The following E2F5 variants were observed in gnomAD, a reference collection of about 807,000 sequenced individuals.
The protein encoded by E2F5 is E2F transcription factor 5.
E2F5 carries 23 observed loss-of-function variants against 39.1 expected under a neutral mutation model. The observed-to-expected ratio is 0.59, with a 90% confidence interval of 0.42 to 0.83. The LOEUF is 0.83. Among genes scored for constraint, E2F5 ranks in the 40% least tolerant of loss-of-function variants. The pLI is 0.00. For synonymous variants in E2F5, 145 were observed against 157.8 expected (o/e 0.92, Z 0.61); for missense variants, 365 against 406.7 (o/e 0.90, Z 0.88).
chr8:85,207,926 A>G (rs1264360531), intron 5 of E2F5, among the ~76,000 whole-genome samples: 1 of 152,224 alleles, frequency 6.6e-6, no homozygotes, highest in Non-Finnish European at 1.5e-5. Context: ...CAAATGATTT[A>G]AAATGATTTA....
intron 1 of E2F5, among the ~76,000 whole-genome samples, chr8:85,190,501 T>A (rs1216137033): frequency 2.3e-5 from 3 of 130,220 alleles, no homozygotes; most frequent in Non-Finnish European, 3.3e-5. Context: ...TTTTTCCTTT[T>A]TTTTTTTTTT....
chr8:85,180,113 C>T (rs1444097046), intron 1 of E2F5, among the ~76,000 whole-genome samples: 3 of 152,002 alleles, frequency 2.0e-5, no homozygotes, highest in East Asian at 1.9e-4. Context: ...CTCCACCTCC[C>T]GGGTTCAAGC....
In E2F5 at chr8:85,177,652, G is replaced by T. The variant is rs764834287; in HGVS notation, c.232G>T (p.Ala78Ser). The T allele has an allele frequency of 7.8e-7, 1 of 1,289,660 alleles. No individual in the cohort carries two copies. The highest frequency in any genetic ancestry group is 9.9e-7 in the Non-Finnish European group (1 of 1,015,028). The allele number at this position is 1,289,660 out of a possible 1,614,324, so 79.9% of individuals were successfully genotyped here. Residue 78 changes from alanine to serine, a missense_variant and splice_region_variant, in exon 1 of 8, where the codon GCG (alanine) becomes TCG (serine). Transcript: ENST00000416274. ...EAKDGVLDLK[A>S]AADTLAVRQK... is the part of the protein sequence containing the mutation. Reference sequence around the variant, plus strand: ...CAAGGACGGCGTTCTGGATCTCAAAGCGGTGAGCTCCGGAGGCGGGGACGG... The same window carrying T: ...CAAGGACGGCGTTCTGGATCTCAAATCGGTGAGCTCCGGAGGCGGGGACGG...
intron 1 of E2F5, among the ~76,000 whole-genome samples, chr8:85,196,710 T>C (rs1425413309): frequency 6.6e-6 from 1 of 152,222 alleles, no homozygotes; most frequent in African/African-American, 2.4e-5. Context: ...TGGATCTGTT[T>C]CCAGTATAAC....
chr8:85,207,092 A>G (rs1232914409), intron 4 of E2F5, among the ~76,000 whole-genome samples: 1 of 152,196 alleles, frequency 6.6e-6, no homozygotes, highest in Non-Finnish European at 1.5e-5. Flanking sequence ...CCTCAGTCCA[A>G]TGAACAGTGT....
chr8:85,191,216 A>G (rs973821098), intron 1 of E2F5, among the ~76,000 whole-genome samples: 2 of 152,330 alleles, frequency 1.3e-5, no homozygotes, highest in East Asian at 1.9e-4. Flanking sequence ...AGAAAGACAC[A>G]TGATCTCATA....
At position 85,214,265 on chromosome 8, in the gene E2F5, C is replaced by G. The variant is rs977570772; in HGVS notation, c.*403C>G. 1 of 562,676 alleles carries G rather than the reference C, an allele frequency of 1.8e-6. No individual in the cohort carries two copies. 34.9% of individuals were successfully genotyped at this position (562,676 alleles called of 1,614,324 possible). A position where few individuals can be genotyped will look rare whatever the true frequency, so the allele number is the denominator to read the frequency against. On this transcript the variant is annotated 3_prime_UTR_variant, in exon 8 of 8. Coordinates refer to ENST00000416274, the MANE Select transcript of E2F5 (RefSeq NM_001951.4). The stretch of plus-strand genomic sequence containing the variant: ...CTAAACTGCCTGTATTTCTGTATGT[C>G]CTTCTATCCAAACAGACGTTCACTG...
intron 1 of E2F5, among the ~76,000 whole-genome samples, chr8:85,195,431 C>A (rs1228980551): frequency 6.6e-6 from 1 of 152,070 alleles, no homozygotes; most frequent in African/African-American, 2.4e-5. Flanking sequence ...ATAGCAGATT[C>A]ACACTTAATC....
At chr8:85,192,420 A>G (rs1331637363) in intron 1 of E2F5, among the ~76,000 whole-genome samples, 1 of 152,194 alleles carries the variant, frequency 6.6e-6, no homozygotes, top group Non-Finnish European at 1.5e-5. Flanking sequence ...ATGTAAGGAA[A>G]ATGGTTTTTA....
rs201093043 is a variant in E2F5, at chr8:85,211,634, TTTG to T, written c.884-514_884-512del. ...CAGTTTTGGTAGAATGATGATGAGG[TTTG>T]TTGTTGTTTTTTTTTTTTTTTTTTT... On this transcript the variant is annotated intron_variant, in intron 6 of 7. Transcript: ENST00000416274. Among the ~76,000 whole-genome samples, 12 of 144,408 alleles carry T rather than the reference TTTG, an allele frequency of 8.3e-5. 1 individual carries two copies. Among genetic ancestry groups the T allele is most frequent in the African/African-American group, 2.2e-4 (8 of 36,790 alleles). The allele number at this position is 144,408 out of a possible 152,430, so 94.7% of individuals were successfully genotyped here.
intron 1 of E2F5, chr8:85,201,927 T>G: frequency 1.9e-6 from 1 of 537,182 alleles, no homozygotes; most frequent in East Asian, 3.3e-5. Flanking sequence ...GACCTTAATT[T>G]CTTTTTCTGT....
At chr8:85,200,525 T>C (rs1028576493) in intron 1 of E2F5, among the ~76,000 whole-genome samples, 2 of 152,208 alleles carry the variant, frequency 1.3e-5, no homozygotes, top group Non-Finnish European at 2.9e-5. Context: ...GTGGTCTGGT[T>C]CATACAAACA....
intron 1 of E2F5, among the ~76,000 whole-genome samples, chr8:85,182,549 C>T (rs1034642450): frequency 3.9e-5 from 6 of 152,098 alleles, no homozygotes; most frequent in Non-Finnish European, 8.8e-5. Flanking sequence ...CTCCTCTGCC[C>T]AAGGTGGAAA....
In E2F5 at chr8:85,177,280, G is replaced by C. The variant is rs1036968169; in HGVS notation, c.-141G>C. ...CTCCCGTGGGCGCCGCACACCTGTT[G>C]TTTGCAGCAGCCAGCGACCCGCACT... On this transcript the variant is annotated 5_prime_UTR_variant, in exon 1 of 8. Coordinates refer to ENST00000416274, the MANE Select transcript of E2F5 (RefSeq NM_001951.4). 2.8e-6 allele frequency: 2 copies of C among 713,732 alleles called. No homozygotes were observed. Among genetic ancestry groups the C allele is most frequent in the Non-Finnish European group, 3.4e-6 (2 of 581,722 alleles). The allele number at this position is 713,732 out of a possible 1,614,324, so 44.2% of individuals were successfully genotyped here.
chr8:85,178,964 A>G (rs1166537091), intron 1 of E2F5, among the ~76,000 whole-genome samples: 2 of 152,004 alleles, frequency 1.3e-5, no homozygotes, highest in Non-Finnish European at 2.9e-5. Context: ...AATTTCTACT[A>G]TTTTCTTTTT....
chr8:85,209,965 G>A (rs1016093466), intron 6 of E2F5, among the ~76,000 whole-genome samples: 8 of 152,158 alleles, frequency 5.3e-5, no homozygotes, highest in African/African-American at 1.9e-4. Flanking sequence ...CTCCAATTAT[G>A]TAGGAAATCT....
chr8:85,190,825 G>T (rs1324419740), intron 1 of E2F5, among the ~76,000 whole-genome samples: 1 of 152,048 alleles, frequency 6.6e-6, no homozygotes, highest in Non-Finnish European at 1.5e-5. Context: ...ATTTTTCCTG[G>T]AATATCTGGC....
chr8:85,181,867 A>C (rs62527173), intron 1 of E2F5, among the ~76,000 whole-genome samples: 101,439 of 151,128 alleles, frequency 0.67, 34,531 homozygotes, highest in Non-Finnish European at 0.69. Flanking sequence ...AGGCTGAAGC[A>C]GGAGAATCGC....
chr8:85,192,140 G>C (rs1196165791), intron 1 of E2F5, among the ~76,000 whole-genome samples: 1 of 152,158 alleles, frequency 6.6e-6, no homozygotes, highest in Non-Finnish European at 1.5e-5. Flanking sequence ...ACAGAACCTG[G>C]TGCGGAGTCT....
Sources: gnomAD v4.1 joint callset for allele counts (sites outside exome capture counted in the v4.1 genomes callset) on GRCh38, gnomAD v4.1.1 for gene constraint, MANE v1.5 for transcripts, NCBI Gene and HGNC (gene_info 2026-07-23, HGNC 2026-07-21) for gene names.